TEX11: variants seen among roughly 807,000 people sequenced by gnomAD.
TEX11 encodes testis expressed 11.
Under a neutral mutation model 84.4 loss-of-function variants are expected in TEX11, and 7 were observed. The ratio of observed to expected loss-of-function variants is 0.08; its 90% confidence interval spans 0.05 to 0.16. The LOEUF (loss-of-function observed/expected upper bound fraction) is 0.16, where lower values mean the gene tolerates loss of function less well. Among genes scored for constraint, TEX11 ranks in the 10% least tolerant of loss-of-function variants. The pLI is 1.00. For missense variants in TEX11, 551 were observed against 660.5 expected (o/e 0.83, Z 1.82); for synonymous variants, 264 against 222.8 (o/e 1.18, Z -1.64).
intron 24 of TEX11, among the ~76,000 whole-genome samples, chrX:70,594,083 A>G (rs1025447404): frequency 5.4e-5 from 6 of 111,945 alleles, no homozygotes; most frequent in Admixed American, 4.8e-4. Flanking sequence ...TACATTACAA[A>G]ATGGTAAAAG....
At chrX:70,512,751 A>G in the TEX11 span, among the ~76,000 whole-genome samples, 1 of 109,171 alleles carries the variant, frequency 9.2e-6, no homozygotes, top group Non-Finnish European at 1.9e-5. Flanking sequence ...TGACTTCCTG[A>G]TTGATGATAT....
chrX:70,605,008 T>C (rs2089179162), intron 24 of TEX11, among the ~76,000 whole-genome samples: 1 of 111,682 alleles, frequency 9.0e-6, no homozygotes, highest in Non-Finnish European at 1.9e-5. Flanking sequence ...AAAAACCAGA[T>C]AAGTAATAAT....
chrX:70,851,523 A>C (rs981507418), intron 7 of TEX11, among the ~76,000 whole-genome samples: 3 of 111,573 alleles, frequency 2.7e-5, no homozygotes, highest in African/African-American at 9.8e-5. Context: ...GCCCTCATAT[A>C]CTACTGGGGG....
chrX:70,605,825 T>C lies in TEX11; in HGVS notation c.1951-308A>G, dbSNP rs1360745298. Among the ~76,000 whole-genome samples the C allele has an allele frequency of 2.7e-5, 3 of 111,969 alleles. No homozygotes were observed. In the South Asian group the frequency reaches 1.1e-3, roughly 42 times the overall value. On this transcript the variant is annotated intron_variant, in intron 23 of 29. Coordinates refer to ENST00000374333, the MANE Select transcript of TEX11 (RefSeq NM_031276.3). ...ATCTAGTGATTTACTTCTTGGTTTA[T>C]GTTGTAATTTGTAAGTGATTTTTCC...
intron 14 of TEX11, among the ~76,000 whole-genome samples, chrX:70,679,511 C>T (rs1245115750): frequency 3.7e-5 from 4 of 107,322 alleles, no homozygotes; most frequent in Non-Finnish European, 5.9e-5. Context: ...TCTTCCCGGC[C>T]GCCATCCCAT....
intron 24 of TEX11, among the ~76,000 whole-genome samples, chrX:70,599,987 C>A (rs2089074251): frequency 2.7e-5 from 3 of 110,528 alleles, no homozygotes; most frequent in Non-Finnish European, 5.7e-5. Context: ...CATACGTGTG[C>A]ATGTGTATTT....
At chrX:70,544,160 T>C (rs1250831689) in intron 28 of TEX11, among the ~76,000 whole-genome samples, 1 of 112,042 alleles carries the variant, frequency 8.9e-6, no homozygotes, top group East Asian at 2.8e-4. Context: ...GCAGACTTTA[T>C]AAACACTGTA....
At chrX:70,624,031 G>A (rs1357751580) in intron 19 of TEX11, 25 bp from the exon 20 acceptor site, 2 of 1,164,622 alleles carry the variant, frequency 1.7e-6, no homozygotes, top group Admixed American at 2.2e-5. Context: ...AATATGGAAA[G>A]TGATTCTTAG....
intron 9 of TEX11, among the ~76,000 whole-genome samples, chrX:70,769,728 CTAAAT>C (rs2090960886): frequency 9.0e-6 from 1 of 111,433 alleles, no homozygotes; most frequent in African/African-American, 3.3e-5. Flanking sequence ...AACATAATCT[CTAAAT>C]TACTAAATAG....
chrX:70,842,260 G>A (rs1198225744), intron 7 of TEX11, among the ~76,000 whole-genome samples: 2 of 111,428 alleles, frequency 1.8e-5, no homozygotes, highest in African/African-American at 3.3e-5. Context: ...GAATTCAGCA[G>A]CACATCAAAA....
intron 25 of TEX11, among the ~76,000 whole-genome samples, chrX:70,582,253 G>GC (rs2088786373): frequency 9.0e-6 from 1 of 111,419 alleles, no homozygotes; most frequent in African/African-American, 3.3e-5. Context: ...ACATCATACT[G>GC]CCCCTGAAAA....
At chrX:70,715,739 T>C (rs1374059549) in intron 13 of TEX11, among the ~76,000 whole-genome samples, 1 of 112,019 alleles carries the variant, frequency 8.9e-6, no homozygotes, top group Non-Finnish European at 1.9e-5. Flanking sequence ...GGTTTGAACT[T>C]CCTCCTTTAA....
chrX:70,717,805 G>C (rs2090520156), intron 13 of TEX11, among the ~76,000 whole-genome samples: 1 of 112,037 alleles, frequency 8.9e-6, no homozygotes, highest in Non-Finnish European at 1.9e-5. Context: ...GAGTGAAGCA[G>C]ACTGTAAAAA....
chrX:70,688,263 G>A (rs2090204965), intron 13 of TEX11, among the ~76,000 whole-genome samples: 1 of 111,082 alleles, frequency 9.0e-6, no homozygotes, highest in East Asian at 2.8e-4. Context: ...CTTACCTACA[G>A]GAGCCATTTC....
intron 13 of TEX11, among the ~76,000 whole-genome samples, chrX:70,703,013 A>G (rs1214876332): frequency 8.9e-6 from 1 of 111,752 alleles, no homozygotes; most frequent in African/African-American, 3.3e-5. Context: ...CACAATTCTA[A>G]CACTTTGCAG....
At chrX:70,708,191 G>A (rs1328895280) in intron 13 of TEX11, among the ~76,000 whole-genome samples, 4 of 111,147 alleles carry the variant, frequency 3.6e-5, no homozygotes, top group African/African-American at 1.3e-4. Context: ...ACAAACATGT[G>A]AAAAAATGCT....
intron 13 of TEX11, among the ~76,000 whole-genome samples, chrX:70,700,418 A>G (rs1348592002): frequency 2.7e-5 from 3 of 111,610 alleles, no homozygotes; most frequent in African/African-American, 9.8e-5. Flanking sequence ...GCAATATTTC[A>G]ATTTTTTTCA....
chrX:70,679,598 T>A (rs867049756), intron 14 of TEX11, among the ~76,000 whole-genome samples: 13 of 102,750 alleles, frequency 1.3e-4, no homozygotes, highest in Non-Finnish European at 2.2e-4. Context: ...AACCGCCCCG[T>A]CTGAGAAGTG....
chrX:70,748,608 G>A lies in TEX11; in HGVS notation c.693-4389C>T, dbSNP rs1458024062. ...GAATTGATTTTTGTATAAGGTGTAA[G>A]GAAGGGATCCAGTTTCAGCTTTCTA... On this transcript the variant is annotated intron_variant, in intron 9 of 29. Transcript: ENST00000374333. Among the ~76,000 whole-genome samples, 19 of 107,504 alleles carry A rather than the reference G, an allele frequency of 1.8e-4. No homozygotes were observed. In the East Asian group the frequency reaches 2.3e-3, roughly 13 times the overall value. 93.4% of individuals were successfully genotyped at this position (107,504 alleles called of 115,157 possible).
Sources: allele counts gnomAD v4.1 joint callset (sites outside exome capture counted in the v4.1 genomes callset), GRCh38; gene constraint gnomAD v4.1.1; transcripts MANE v1.5; gene names NCBI Gene and HGNC (gene_info 2026-07-23, HGNC 2026-07-21).